Variants in PREX2 observed in about 807,000 individuals in gnomAD.
PREX2 encodes the protein phosphatidylinositol-3,4,5-trisphosphate dependent Rac exchange factor 2.
In PREX2, 107 loss-of-function variants were observed where a neutral mutation model predicts 203.2. The observed-to-expected ratio is 0.53, with a 90% CI of 0.45 to 0.62. The LOEUF is 0.62. Ranked by LOEUF, PREX2 falls within the 20% of genes least tolerant of loss-of-function variation. The pLI, the probability that PREX2 is intolerant of heterozygous loss-of-function variation, is 0.00. For missense variants in PREX2, 1,777 were observed against 1,955.9 expected, an observed-to-expected ratio of 0.91 and a Z score of 1.72; for synonymous variants, 672 against 663.6, an observed-to-expected ratio of 1.01 and a Z score of -0.19.
At chr8:67,952,999 C>G (rs1205262444) in intron 1 of PREX2, among the ~76,000 whole-genome samples, 1 of 152,102 alleles carries the variant, frequency 6.6e-6, no homozygotes, top group Non-Finnish European at 1.5e-5. Flanking sequence ...TGAATGTGCT[C>G]GAGCTTGAGT....
In PREX2 at chr8:68,007,665, A is replaced by C. The variant is rs574914194; in HGVS notation, c.142-10181A>C. The stretch of plus-strand genomic sequence containing the variant: ...CGCTTTGTCGCCCAGGCTGGAGTGC[A>C]GTGGCGCCATCTTGGCTCACTGCAA... On this transcript the variant is annotated intron_variant, in intron 1 of 39. Coordinates refer to ENST00000288368, the MANE Select transcript of PREX2 (RefSeq NM_024870.4). 2.8e-4 allele frequency among the ~76,000 whole-genome samples: 42 copies of C among 152,276 alleles called. No homozygotes were observed. The East Asian group carries it at 6.4e-3, about 23-fold the overall frequency.
intron 14 of PREX2, among the ~76,000 whole-genome samples, chr8:68,076,745 A>G (rs1203560778): frequency 2.6e-5 from 4 of 151,494 alleles, no homozygotes; most frequent in Admixed American, 2.0e-4. Context: ...ATATACATGG[A>G]TCCATACTTA....
In PREX2 at chr8:68,236,293, A is replaced by G. The variant is rs919451673; in HGVS notation, c.*4915A>G. 6.6e-6 allele frequency: 1 copy of G among 152,162 alleles called. No individual in the cohort carries two copies. The highest frequency in any genetic ancestry group is 1.5e-5 in the Non-Finnish European group (1 of 68,006). The allele number at this position is 152,162 out of a possible 1,614,324, so 9.4% of individuals were successfully genotyped here. ...ATTTCTACTAGAAATAGCTTTGGAG[A>G]GTTAATTTTAGGTGCGAATAACAGG... is the stretch of plus-strand genomic sequence containing the variant. On this transcript the variant is annotated 3_prime_UTR_variant, in exon 40 of 40. Transcript: ENST00000288368.
intron 34 of PREX2, among the ~76,000 whole-genome samples, chr8:68,154,680 A>G (rs891279924): frequency 3.3e-5 from 5 of 152,238 alleles, no homozygotes; most frequent in Non-Finnish European, 7.3e-5. Context: ...TATTCTAATT[A>G]ACGAAGATGT....
At chr8:68,105,498 A>G in intron 23 of PREX2, 1 of 1,160,256 alleles carries the variant, frequency 8.6e-7, no homozygotes. Context: ...CCCTAGCAAG[A>G]GAATCTTCTG....
chr8:68,209,838 CA>C (rs1812711245), intron 37 of PREX2, among the ~76,000 whole-genome samples: 1 of 152,180 alleles, frequency 6.6e-6, no homozygotes, highest in South Asian at 2.1e-4. Flanking sequence ...TACAGCTGAT[CA>C]AACTATTGTT....
chr8:68,140,595 T>A (rs1037872863), intron 33 of PREX2, among the ~76,000 whole-genome samples: 1 of 152,196 alleles, frequency 6.6e-6, no homozygotes, highest in Non-Finnish European at 1.5e-5. Context: ...GAGGGAGGAC[T>A]AAGCACAGAG....
intron 29 of PREX2, 31 bp from the exon 30 acceptor site, chr8:68,120,890 G>T (rs1305642269): frequency 1.2e-6 from 2 of 1,600,722 alleles, no homozygotes; most frequent in Non-Finnish European, 1.7e-6. Flanking sequence ...AATTATTTGA[G>T]ACTTAAGAGA....
chr8:68,101,275 A>G (rs747970762), intron 23 of PREX2: 3 of 498,396 alleles, frequency 6.0e-6, no homozygotes, highest in South Asian at 1.4e-5. Context: ...GGGACTCACA[A>G]CATTGGTTAC....
intron 33 of PREX2, among the ~76,000 whole-genome samples, chr8:68,140,473 A>C (rs1400137011): frequency 6.6e-6 from 1 of 152,214 alleles, no homozygotes; most frequent in African/African-American, 2.4e-5. Context: ...TAAGAAAATG[A>C]AGCTTTATTA....
At chr8:67,960,937 G>A (rs1402687496) in intron 1 of PREX2, among the ~76,000 whole-genome samples, 1 of 150,122 alleles carries the variant, frequency 6.7e-6, no homozygotes, top group Non-Finnish European at 1.5e-5. Flanking sequence ...AAGTAGAGAC[G>A]TAAGCACTTC....
intron 1 of PREX2, among the ~76,000 whole-genome samples, chr8:67,973,358 G>T (rs944842782): frequency 7.9e-5 from 12 of 152,140 alleles, no homozygotes; most frequent in Admixed American, 6.6e-4. Flanking sequence ...TGGCATATCT[G>T]TCAAATTAAC....
At chr8:68,219,798 G>A (rs1404598) in intron 38 of PREX2, among the ~76,000 whole-genome samples, 66,395 of 151,988 alleles carry the variant, frequency 0.44, 16,331 homozygotes, top group African/African-American at 0.66. Flanking sequence ...GCTGAGGGCC[G>A]ATCCACAAGC....
chr8:68,077,392 A>T lies in PREX2; in HGVS notation c.1570-5A>T. The T allele has an allele frequency of 6.2e-7, 1 of 1,612,696 alleles. No homozygotes were observed. Among genetic ancestry groups the T allele is most frequent in the South Asian group, 1.1e-5 (1 of 91,060 alleles). On this transcript the variant is annotated splice_region_variant and splice_polypyrimidine_tract_variant and intron_variant, in intron 14 of 39. Transcript: ENST00000288368. ...TAACTCCCACAGTGCTTTTTTGGTT[A>T]ACAGGGAGATTGCCGCACCAGAGAA...
At position 68,138,423 on chromosome 8, in the gene PREX2, A is replaced by G; in HGVS notation, c.3993A>G (p.Glu1331=). 22 of 1,573,974 alleles carry G rather than the reference A, an allele frequency of 1.4e-5. No homozygotes were observed. The highest frequency in any genetic ancestry group is 1.8e-5 in the Non-Finnish European group (21 of 1,152,828). ...TTTTTCTTTCTTTGTAGACAGATGAACAAGCCATGTTAGAAGATACACTGG... is the reference window on the plus strand; with the variant it reads ...TTTTTCTTTCTTTGTAGACAGATGAGCAAGCCATGTTAGAAGATACACTGG... ...QSLLSPNLTD[E]QAMLEDTLVA... is the part of the protein sequence containing the mutation. Residue 1331 remains glutamate, a synonymous_variant, in exon 33 of 40, where the codon GAA becomes GAG. Transcript: ENST00000288368.
intron 1 of PREX2, among the ~76,000 whole-genome samples, chr8:67,977,815 A>G (rs1806151569): frequency 6.6e-6 from 1 of 152,216 alleles, no homozygotes; most frequent in Admixed American, 6.5e-5. Context: ...CTGAACATGT[A>G]GAGTTTCCTG....
intron 1 of PREX2, among the ~76,000 whole-genome samples, chr8:67,966,148 G>C (rs1265794367): frequency 6.6e-6 from 1 of 152,156 alleles, no homozygotes; most frequent in East Asian, 1.9e-4. Context: ...TTCTATAGAT[G>C]AGGATTTGGG....
At chr8:67,999,424 A>G (rs748913262) in intron 1 of PREX2, among the ~76,000 whole-genome samples, 20 of 150,280 alleles carry the variant, frequency 1.3e-4, no homozygotes, top group Non-Finnish European at 1.9e-4. Flanking sequence ...TCGATTCCCT[A>G]AACAGACCAA....
At chr8:68,063,938 T>C (rs759759989) in intron 11 of PREX2, among the ~76,000 whole-genome samples, 2 of 152,162 alleles carry the variant, frequency 1.3e-5, no homozygotes, top group Non-Finnish European at 2.9e-5. Flanking sequence ...ATTCCTAAAA[T>C]AAAGTTGAAT....
Sources: allele counts gnomAD v4.1 joint callset (sites outside exome capture counted in the v4.1 genomes callset), GRCh38; gene constraint gnomAD v4.1.1; transcripts MANE v1.5; gene names NCBI Gene and HGNC (gene_info 2026-07-23, HGNC 2026-07-21).